Variants in PARD3B observed in about 807,000 individuals in gnomAD.
PARD3B encodes partitioning defective 3 homolog B.
PARD3B carries 103 observed loss-of-function variants against 130.2 expected under a neutral mutation model. That is an observed-to-expected ratio of 0.79 (90% CI 0.67 to 0.93). PARD3B has a LOEUF of 0.93. Ranked by LOEUF, PARD3B falls within the 40% of genes least tolerant of loss-of-function variation. The pLI, the probability that PARD3B is intolerant of heterozygous loss-of-function variation, is 0.00. For missense variants in PARD3B, 1,609 were observed against 1,499.2 expected, an observed-to-expected ratio of 1.07 and a Z score of -1.21; for synonymous variants, 583 against 553.2, an observed-to-expected ratio of 1.05 and a Z score of -0.76.
intron 3 of PARD3B, among the ~76,000 whole-genome samples, chr2:205,000,019 GTT>G (rs796978993): frequency 6.9e-6 from 1 of 144,682 alleles, no homozygotes. Context: ...AAGTCACAGG[GTT>G]TTTTTTTTTT....
At chr2:204,607,556 A>G (rs1468251981) in intron 1 of PARD3B, among the ~76,000 whole-genome samples, 1 of 152,190 alleles carries the variant, frequency 6.6e-6, no homozygotes, top group Non-Finnish European at 1.5e-5. Context: ...GTGCACGTGT[A>G]TCTACTTTTC....
chr2:204,660,472 A>T (rs536932585), intron 1 of PARD3B, among the ~76,000 whole-genome samples: 5 of 152,324 alleles, frequency 3.3e-5, no homozygotes, highest in African/African-American at 1.2e-4. Context: ...GTGGTGGCCT[A>T]TGAAAATATA....
At chr2:205,378,413 GA>G (rs924560085) in intron 18 of PARD3B, among the ~76,000 whole-genome samples, 20 of 152,114 alleles carry the variant, frequency 1.3e-4, no homozygotes, top group African/African-American at 4.8e-4. Context: ...AGGTGGAAGG[GA>G]AAAAAGAAGA....
chr2:205,013,136 A>G lies in PARD3B; in HGVS notation c.395-34445A>G, dbSNP rs1484129335. 2.6e-5 allele frequency among the ~76,000 whole-genome samples: 4 copies of G among 152,286 alleles called. No homozygotes were observed. The South Asian group carries it at 6.2e-4, about 24-fold the overall frequency. On this transcript the variant is annotated intron_variant, in intron 3 of 22. Coordinates refer to ENST00000406610, the MANE Select transcript of PARD3B (RefSeq NM_001302769.2). ...TTCTTGATTTCAACATGAGTTTAGA[A>G]CCAAAGGAACTTTTACTTGGTCCGG... is the stretch of plus-strand genomic sequence containing the variant.
At chr2:205,383,129 T>TAGAGAGAGAGAG (rs1559038970) in intron 18 of PARD3B, among the ~76,000 whole-genome samples, 2 of 137,972 alleles carry the variant, frequency 1.4e-5, no homozygotes, top group African/African-American at 2.7e-5. Flanking sequence ...GATAGATAGA[T>TAGAGAGAGAGAG]AGATAGATAG....
At chr2:204,862,085 A>T (rs928294906) in intron 2 of PARD3B, among the ~76,000 whole-genome samples, 1 of 152,168 alleles carries the variant, frequency 6.6e-6, no homozygotes, top group African/African-American at 2.4e-5. Context: ...TTTACCAATG[A>T]CCAATTTTCA....
intron 1 of PARD3B, among the ~76,000 whole-genome samples, chr2:204,630,700 A>T (rs1041675180): frequency 6.6e-6 from 1 of 152,144 alleles, no homozygotes; most frequent in Non-Finnish European, 1.5e-5. Flanking sequence ...TTACATTAAT[A>T]TCTTAATGTG....
intron 1 of PARD3B, among the ~76,000 whole-genome samples, chr2:204,585,803 C>T (rs1034891169): frequency 5.9e-5 from 9 of 152,010 alleles, no homozygotes; most frequent in African/African-American, 1.9e-4. Flanking sequence ...ATTTTTTATA[C>T]TTAAAATATA....
chr2:204,708,323 T>G (rs2038278359), intron 2 of PARD3B, among the ~76,000 whole-genome samples: 1 of 152,188 alleles, frequency 6.6e-6, no homozygotes, highest in East Asian at 1.9e-4. Flanking sequence ...ATGTGTGTAC[T>G]TGTGTTTATG....
chr2:204,729,538 C>T (rs1226316432), intron 2 of PARD3B, among the ~76,000 whole-genome samples: 1 of 152,116 alleles, frequency 6.6e-6, no homozygotes, highest in Admixed American at 6.5e-5. Context: ...AAATGTGATA[C>T]CGAGCAGACA....
intron 2 of PARD3B, among the ~76,000 whole-genome samples, chr2:204,836,745 T>C (rs539558796): frequency 1.3e-5 from 2 of 152,242 alleles, no homozygotes; most frequent in African/African-American, 4.8e-5. Flanking sequence ...TAAGTGAGTA[T>C]GTATGTGAGT....
intron 18 of PARD3B, among the ~76,000 whole-genome samples, chr2:205,315,494 T>C (rs1445699802): frequency 6.6e-6 from 1 of 152,208 alleles, no homozygotes; most frequent in Non-Finnish European, 1.5e-5. Flanking sequence ...TTGTTATAGA[T>C]TCCTGGGTTT....
At chr2:204,944,632 T>G (rs1689165454) in intron 2 of PARD3B, among the ~76,000 whole-genome samples, 1 of 152,252 alleles carries the variant, frequency 6.6e-6, no homozygotes. Context: ...AATGCAGCTA[T>G]TTAATCCAAT....
intron 15 of PARD3B, among the ~76,000 whole-genome samples, chr2:205,199,481 A>G (rs569371596): frequency 5.9e-5 from 9 of 151,860 alleles, no homozygotes; most frequent in Non-Finnish European, 1.0e-4. Flanking sequence ...ATACACACAC[A>G]CACACATATA....
At chr2:205,029,375 TC>T (rs1697267501) in intron 3 of PARD3B, among the ~76,000 whole-genome samples, 2 of 152,142 alleles carry the variant, frequency 1.3e-5, no homozygotes, top group Admixed American at 6.6e-5. Flanking sequence ...ACTTACCACT[TC>T]CTTTGCTCTA....
chr2:204,779,774 G>T (rs192421378), intron 2 of PARD3B, among the ~76,000 whole-genome samples: 7 of 152,204 alleles, frequency 4.6e-5, no homozygotes, highest in Non-Finnish European at 1.0e-4. Flanking sequence ...CCTGGGCTCA[G>T]ACACTTGCCT....
rs1410548243 is a variant in PARD3B, at chr2:205,254,669, A to ATT, written c.2185+8858_2185+8859dup. ...GAATTTCAGTATTTTATTTTATTTT[A>ATT]TTTTTTTTTTTTGAGATGGAGTCTC... On this transcript the variant is annotated intron_variant, in intron 16 of 22. Transcript: ENST00000406610. Among the ~76,000 whole-genome samples the ATT allele has an allele frequency of 5.3e-3, 754 of 141,890 alleles. 4 individuals are homozygous for ATT. Among genetic ancestry groups the ATT allele is most frequent in the African/African-American group, 0.016 (634 of 39,244 alleles). 93.1% of individuals were successfully genotyped at this position (141,890 alleles called of 152,430 possible).
chr2:205,010,846 A>AT (rs1695653330), intron 3 of PARD3B, among the ~76,000 whole-genome samples: 1 of 151,986 alleles, frequency 6.6e-6, no homozygotes, highest in African/African-American at 2.4e-5. Context: ...TATATATGAT[A>AT]TTTTACCTTT....
intron 2 of PARD3B, among the ~76,000 whole-genome samples, chr2:204,961,347 A>C (rs935928926): frequency 6.6e-6 from 1 of 152,110 alleles, no homozygotes; most frequent in African/African-American, 2.4e-5. Flanking sequence ...AAGTGGTCAA[A>C]TAGAGTGTAT....
Sources: allele counts gnomAD v4.1 joint callset (sites outside exome capture counted in the v4.1 genomes callset), GRCh38; gene constraint gnomAD v4.1.1; transcripts MANE v1.5; gene names NCBI Gene and HGNC (gene_info 2026-07-23, HGNC 2026-07-21).